MACROD2: variants seen among roughly 807,000 people sequenced by gnomAD.
MACROD2 encodes the protein mono-ADP ribosylhydrolase 2.
A neutral mutation model predicts 70.4 loss-of-function variants in MACROD2; 36 were observed. The ratio of observed to expected loss-of-function variants is 0.51; its 90% confidence interval spans 0.39 to 0.68. The LOEUF is 0.68. Among genes scored for constraint, MACROD2 ranks in the 30% least tolerant of loss-of-function variants. The pLI is 0.00. For synonymous variants in MACROD2, 172 were observed against 178.8 expected, an observed-to-expected ratio of 0.96 and a Z score of 0.30; for missense variants, 496 against 538.4, an observed-to-expected ratio of 0.92 and a Z score of 0.78.
chr20:15,167,021 TA>T (rs547920548), intron 5 of MACROD2, among the ~76,000 whole-genome samples: 1 of 151,646 alleles, frequency 6.6e-6, no homozygotes, highest in African/African-American at 2.4e-5. Flanking sequence ...TATTTAAATT[TA>T]GGGGAAAAAT....
At chr20:15,899,654 T>G (rs2065035054) in intron 10 of MACROD2, among the ~76,000 whole-genome samples, 1 of 152,210 alleles carries the variant, frequency 6.6e-6, no homozygotes, top group South Asian at 2.1e-4. Flanking sequence ...AAATGGCACT[T>G]TCCATCATAT....
intron 5 of MACROD2, among the ~76,000 whole-genome samples, chr20:14,854,526 A>T (rs385678): frequency 0.095 from 14,512 of 152,172 alleles, 879 homozygotes; most frequent in Non-Finnish European, 0.14. Flanking sequence ...ATGTTTAATT[A>T]TGCCACAACT....
intron 4 of MACROD2, among the ~76,000 whole-genome samples, chr20:14,673,143 C>G (rs1379592614): frequency 4.6e-5 from 7 of 152,170 alleles, no homozygotes; most frequent in Admixed American, 3.3e-4. Context: ...TCAATGCAGA[C>G]TTTTAAGGGT....
At chr20:16,040,695 C>G (rs573163472) in intron 15 of MACROD2, among the ~76,000 whole-genome samples, 1 of 151,940 alleles carries the variant, frequency 6.6e-6, no homozygotes, top group Non-Finnish European at 1.5e-5. Context: ...CAGAGGTCTC[C>G]TAAGGAAACA....
At chr20:15,588,136 C>T (rs549281237) in intron 8 of MACROD2, among the ~76,000 whole-genome samples, 1 of 152,358 alleles carries the variant, frequency 6.6e-6, no homozygotes, top group East Asian at 1.9e-4. Context: ...CAATTCTTGA[C>T]TTCTGTGCAC....
chr20:15,932,997 C>T (rs1040481117), intron 10 of MACROD2, among the ~76,000 whole-genome samples: 29 of 152,176 alleles, frequency 1.9e-4, no homozygotes, highest in Non-Finnish European at 3.4e-4. Flanking sequence ...TGGGAAATGC[C>T]GAGCAAGGAG....
chr20:15,982,094 T>A (rs2066409251), intron 13 of MACROD2, among the ~76,000 whole-genome samples: 1 of 152,132 alleles, frequency 6.6e-6, no homozygotes, highest in East Asian at 1.9e-4. Context: ...TGGGGACCTC[T>A]CTTTCTTCTG....
intron 8 of MACROD2, among the ~76,000 whole-genome samples, chr20:15,649,266 C>G (rs2049608137): frequency 2.2e-5 from 3 of 135,032 alleles, no homozygotes; most frequent in Admixed American, 7.8e-5. Context: ...AGTGTTCAAA[C>G]ATTTTATTAA....
At chr20:14,567,226 G>A (rs933725233) in intron 4 of MACROD2, among the ~76,000 whole-genome samples, 1 of 151,804 alleles carries the variant, frequency 6.6e-6, no homozygotes, top group African/African-American at 2.4e-5. Flanking sequence ...TTTATTTGTT[G>A]GAATAACTGA....
At chr20:14,138,947 A>AAC (rs769766012) in intron 3 of MACROD2, among the ~76,000 whole-genome samples, 1 of 152,156 alleles carries the variant, frequency 6.6e-6, no homozygotes, top group Non-Finnish European at 1.5e-5. Flanking sequence ...AAGCTATAAA[A>AAC]ACTTTTCTGT....
rs1441326908 is a variant in MACROD2 at position 15,490,313 on chromosome 20, G to A, written c.572-9461G>A. Among the ~76,000 whole-genome samples the A allele has an allele frequency of 2.7e-5, 4 of 149,012 alleles. No individual in the cohort carries two copies. In the East Asian group the frequency reaches 8.1e-4, roughly 30 times the overall value. On this transcript the variant is annotated intron_variant, in intron 7 of 17. Coordinates refer to ENST00000684519, the MANE Select transcript of MACROD2 (RefSeq NM_001351661.2). The stretch of plus-strand genomic sequence containing the variant: ...TCTTTCTTTCTCCTTTCTTTCAACA[G>A]GGTTTCACTCTGTCACCCAGGCTGG...
chr20:14,668,145 C>A (rs978127230), intron 4 of MACROD2, among the ~76,000 whole-genome samples: 3 of 151,450 alleles, frequency 2.0e-5, no homozygotes, highest in African/African-American at 4.9e-5. Context: ...CAGAGTGAGA[C>A]CCTGTCTCTT....
intron 7 of MACROD2, among the ~76,000 whole-genome samples, chr20:15,484,928 G>T (rs2047145212): frequency 6.6e-6 from 1 of 152,128 alleles, no homozygotes; most frequent in African/African-American, 2.4e-5. Flanking sequence ...CCACCTGTCT[G>T]TCTCTCCAGT....
At chr20:15,860,347 A>G (rs908119550) in intron 8 of MACROD2, among the ~76,000 whole-genome samples, 2 of 152,160 alleles carry the variant, frequency 1.3e-5, no homozygotes, top group Admixed American at 1.3e-4. Context: ...GTCTTCTCAG[A>G]TCTGCATTAA....
At chr20:15,580,652 C>T (rs1342257261) in intron 8 of MACROD2, among the ~76,000 whole-genome samples, 1 of 152,136 alleles carries the variant, frequency 6.6e-6, no homozygotes, top group African/African-American at 2.4e-5. Flanking sequence ...AAAACTTCCT[C>T]TTTACCCTCT....
intron 5 of MACROD2, among the ~76,000 whole-genome samples, chr20:14,783,547 G>A (rs563881273): frequency 5.3e-4 from 80 of 152,070 alleles, no homozygotes; most frequent in Admixed American, 3.3e-3. Context: ...GTACTTTAAT[G>A]AGGTTCTGCC....
chr20:15,588,533 T>C (rs1423932860), intron 8 of MACROD2, among the ~76,000 whole-genome samples: 1 of 152,222 alleles, frequency 6.6e-6, no homozygotes, highest in East Asian at 1.9e-4. Context: ...TCCAAACGTT[T>C]ATGCTCTGTT....
At chr20:15,446,136 GTCT>G (rs542040037) in intron 7 of MACROD2, among the ~76,000 whole-genome samples, 231 of 152,248 alleles carry the variant, frequency 1.5e-3, no homozygotes, top group South Asian at 0.012. Flanking sequence ...TCTCCTCTGT[GTCT>G]TCTTCTACCC....
chr20:14,302,574 T>C (rs1452067758), intron 3 of MACROD2, among the ~76,000 whole-genome samples: 2 of 152,182 alleles, frequency 1.3e-5, no homozygotes, highest in Non-Finnish European at 2.9e-5. Flanking sequence ...CTTATACCTA[T>C]TGATTTTTCA....
Sources: gnomAD v4.1 joint callset for allele counts (sites outside exome capture counted in the v4.1 genomes callset) on GRCh38, gnomAD v4.1.1 for gene constraint, MANE v1.5 for transcripts, NCBI Gene and HGNC (gene_info 2026-07-23, HGNC 2026-07-21) for gene names.